FAM177B: variants seen among roughly 807,000 people sequenced by gnomAD.
FAM177B encodes the protein family with sequence similarity 177 member B, also known as protein FAM177B.
Under a neutral mutation model 16.1 loss-of-function variants are expected in FAM177B, and 16 were observed. The ratio of observed to expected loss-of-function variants is 0.99; its 90% CI spans 0.67 to 1.51. The LOEUF (loss-of-function observed/expected upper bound fraction) is 1.51, where lower values mean the gene tolerates loss of function less well. FAM177B is among the 40% of genes most tolerant of loss of function. FAM177B has a pLI of 0.00. For synonymous variants in FAM177B, 56 were observed against 59.9 expected, an observed-to-expected ratio of 0.93 and a Z score of 0.30; for missense variants, 178 against 183.7, an observed-to-expected ratio of 0.97 and a Z score of 0.18.
chr1:222,750,681 A>T lies in FAM177B; in HGVS notation c.*623A>T, dbSNP rs573518243. 304 of 512,420 alleles carry T rather than the reference A, an allele frequency of 5.9e-4. 3 individuals carry two copies. The highest frequency in any genetic ancestry group is 5.8e-3 in the African/African-American group (280 of 48,002). 31.7% of individuals were successfully genotyped at this position (512,420 alleles called of 1,614,324 possible). A position where few individuals can be genotyped will look rare whatever the true frequency, so the allele number is the denominator to read the frequency against. On this transcript the variant is annotated 3_prime_UTR_variant, in exon 6 of 6. Coordinates refer to ENST00000445590, the MANE Select transcript of FAM177B (RefSeq NM_001394345.1). ...CTCTAGAAAAAAATATTAATGGATTATTTTCTTATTTATTTGTCAAGAAAT... is the reference window on the plus strand; with the variant it reads ...CTCTAGAAAAAAATATTAATGGATTTTTTTCTTATTTATTTGTCAAGAAAT...
At position 222,746,704 on chromosome 1, in the gene FAM177B, T is replaced by G; in HGVS notation, c.159T>G (p.Asn53Lys). ...AGGAAAAGGAGGAGCAGAGCACAAA[T>G]TCAACACTTGACCCTGTAAGCTTAG... ...EEEEKEEQST[N>K]STLDPSKLSW... The change falls in exon 3 of 6, where the codon AAT becomes AAG. Residue 53 changes from asparagine (N) to lysine (K), a missense_variant. Transcript: ENST00000445590. 1 of 1,610,976 alleles carries G rather than the reference T, an allele frequency of 6.2e-7. No homozygotes were observed. The highest frequency in any genetic ancestry group is 8.5e-7 in the Non-Finnish European group (1 of 1,178,244).
intron 2 of FAM177B, among the ~76,000 whole-genome samples, chr1:222,743,712 G>T (rs1183809001): frequency 6.6e-6 from 1 of 152,060 alleles, no homozygotes; most frequent in Admixed American, 6.6e-5. Flanking sequence ...AAATTACTTT[G>T]CTACTTTTGC....
In FAM177B at chr1:222,738,124, A is replaced by G. The variant is rs1444466817; in HGVS notation, c.-16+103A>G. 7 of 152,322 alleles carry G rather than the reference A, an allele frequency of 4.6e-5. No homozygotes were observed. The South Asian group carries it at 8.3e-4, about 18-fold the overall frequency. The allele number at this position is 152,322 out of a possible 1,614,324, so 9.4% of individuals were successfully genotyped here. On this transcript the variant is annotated intron_variant, in intron 2 of 5. Transcript: ENST00000445590. ...TTAGGATTGAGATGTCCATTAGACA[A>G]CTAAGAAGAGATGTCAAGCAGGTAG...
chr1:222,739,789 A>G (rs1353710179), intron 2 of FAM177B: 1 of 152,200 alleles, frequency 6.6e-6, no homozygotes, highest in Non-Finnish European at 1.5e-5. Flanking sequence ...TACTTTCAAC[A>G]CCAAACATCA....
intron 4 of FAM177B, among the ~76,000 whole-genome samples, chr1:222,747,847 C>T (rs1291912774): frequency 1.3e-5 from 2 of 152,218 alleles, no homozygotes; most frequent in Non-Finnish European, 2.9e-5. Context: ...TGACAAGTCT[C>T]TGCTTTCAAG....
intron 2 of FAM177B, among the ~76,000 whole-genome samples, chr1:222,745,019 A>G (rs1403497343): frequency 6.6e-6 from 1 of 152,238 alleles, no homozygotes; most frequent in Non-Finnish European, 1.5e-5. Context: ...AAATTTCTAC[A>G]TAAATGGAAT....
At chr1:222,740,574 G>T (rs1043878455) in intron 2 of FAM177B, among the ~76,000 whole-genome samples, 1 of 152,074 alleles carries the variant, frequency 6.6e-6, no homozygotes, top group African/African-American at 2.4e-5. Context: ...ACTTCACAAC[G>T]TATCTTATCC....
Position 222,746,596 on chromosome 1 carries a change from C to T in FAM177B, c.51C>T (p.Ser17=). 2 of 1,611,160 alleles carry T rather than the reference C, an allele frequency of 1.2e-6. No individual in the cohort carries two copies. Among genetic ancestry groups the T allele is most frequent in the Non-Finnish European group, 1.7e-6 (2 of 1,177,500 alleles). The part of the protein sequence containing the change: ...QQLDLEKSVP[S]KKTTPKRIIH... ...TAGACCTAGAGAAGAGTGTACCTTC[C>T]AAAAAGACTACTCCTAAAAGGATTA... The change falls in exon 3 of 6, where the codon TCC becomes TCT. Residue 17 remains serine, a synonymous_variant. Transcript: ENST00000445590.
Position 222,748,311 on chromosome 1 carries a change from GAGA to G in FAM177B, c.242-1150_242-1148del, listed in dbSNP as rs1658893147. On this transcript the variant is annotated intron_variant, in intron 4 of 5. Transcript: ENST00000445590. ...GATATGTTTTAGAGGGAGGGAATTG[GAGA>G]AGATTAGGTCAGGTAAAAGAAGCAA... 1.3e-5 allele frequency among the ~76,000 whole-genome samples: 2 copies of G among 152,178 alleles called. 1 individual carries two copies. The highest frequency in any genetic ancestry group is 2.9e-5 in the Non-Finnish European group (2 of 68,034).
chr1:222,740,994 C>T (rs569648131), intron 2 of FAM177B, among the ~76,000 whole-genome samples: 25 of 151,064 alleles, frequency 1.7e-4, no homozygotes, highest in Non-Finnish European at 3.2e-4. Flanking sequence ...CCACCGCGCC[C>T]GGGTTTGTTA....
At chr1:222,744,128 A>C (rs1658677720) in intron 2 of FAM177B, among the ~76,000 whole-genome samples, 1 of 152,154 alleles carries the variant, frequency 6.6e-6, no homozygotes, top group South Asian at 2.1e-4. Flanking sequence ...ATTCTACATC[A>C]TTCAGCCATA....
rs531393733 is a variant in FAM177B, at chr1:222,745,448, T to TA, written c.-15-1074dup. On this transcript the variant is annotated intron_variant, in intron 2 of 5. Transcript: ENST00000445590. ...GTAACATAGTGAGACCCCATCTCTA[T>TA]AAAAAAAAATTTTTTTTAATTAGCC... is the stretch of plus-strand genomic sequence containing the variant. Among the ~76,000 whole-genome samples the TA allele has an allele frequency of 2.0e-3, 310 of 151,378 alleles. 1 individual carries two copies. Among genetic ancestry groups the TA allele is most frequent in the Middle Eastern group, 0.014 (4 of 290 alleles).
At position 222,746,407 on chromosome 1, in the gene FAM177B, G is replaced by A. The variant is rs1658798163; in HGVS notation, c.-15-124G>A. The A allele has an allele frequency of 1.4e-5, 7 of 500,886 alleles. 1 individual carries two copies. In the South Asian group the frequency reaches 3.1e-4, roughly 22 times the overall value. 31.0% of individuals were successfully genotyped at this position (500,886 alleles called of 1,614,324 possible). A position where few individuals can be genotyped will look rare whatever the true frequency, so the allele number is the denominator to read the frequency against. ...AGAACAGTCCTTTTTTGGATTTGAGGAATCGATGAGGTCACAGGTGTGATT... is the reference window on the plus strand; with the variant it reads ...AGAACAGTCCTTTTTTGGATTTGAGAAATCGATGAGGTCACAGGTGTGATT... On this transcript the variant is annotated intron_variant, in intron 2 of 5. Transcript: ENST00000445590.
chr1:222,746,966 T>C, intron 3 of FAM177B, 49 bp from the exon 4 acceptor site: 1 of 1,222,442 alleles, frequency 8.2e-7, no homozygotes. Flanking sequence ...AAATCTGCAG[T>C]CACCATTCCT....
intron 2 of FAM177B, among the ~76,000 whole-genome samples, chr1:222,743,305 G>A (rs986803953): frequency 6.6e-6 from 1 of 151,614 alleles, no homozygotes; most frequent in African/African-American, 2.4e-5. Context: ...TTGCCACCAT[G>A]CCTGGCTAAT....
At chr1:222,748,222 G>GA (rs371131361) in intron 4 of FAM177B, among the ~76,000 whole-genome samples, 11 of 150,804 alleles carry the variant, frequency 7.3e-5, no homozygotes, top group African/African-American at 1.9e-4. Flanking sequence ...TAAGTTAACA[G>GA]AAAAAAAAAT....
intron 2 of FAM177B, among the ~76,000 whole-genome samples, chr1:222,741,506 A>G (rs1658529383): frequency 6.7e-6 from 1 of 150,256 alleles, no homozygotes; most frequent in Admixed American, 6.6e-5. Context: ...ACTCCCACTT[A>G]TTGTTTAGCT....
intron 4 of FAM177B, among the ~76,000 whole-genome samples, chr1:222,748,794 C>T (rs1312408293): frequency 6.6e-6 from 1 of 152,026 alleles, no homozygotes; most frequent in Non-Finnish European, 1.5e-5. Flanking sequence ...TGAGCAATAT[C>T]CCAAGAGGTA....
At chr1:222,746,983 A>G (rs1455346182) in intron 3 of FAM177B, 32 bp from the exon 4 acceptor site, 1 of 1,428,128 alleles carries the variant, frequency 7.0e-7, no homozygotes, top group South Asian at 1.1e-5. Context: ...TCCTCTTATT[A>G]ACTACTCTAT....
Sources: allele counts gnomAD v4.1 joint callset (sites outside exome capture counted in the v4.1 genomes callset), GRCh38; gene constraint gnomAD v4.1.1; transcripts MANE v1.5; gene names NCBI Gene and HGNC (gene_info 2026-07-23, HGNC 2026-07-21).